TEX11: variants seen among roughly 807,000 people sequenced by gnomAD.
TEX11 encodes testis expressed 11.
A neutral mutation model predicts 84.4 loss-of-function variants in TEX11; 7 were observed. The ratio of observed to expected loss-of-function variants is 0.08; its 90% CI spans 0.05 to 0.16. TEX11 has a LOEUF of 0.16. Ranked by LOEUF, TEX11 falls within the 10% of genes least tolerant of loss-of-function variation. The probability of loss-of-function intolerance (pLI) is 1.00; values close to 1 mark genes in which losing one functional copy is unlikely to be tolerated. For synonymous variants in TEX11, 264 were observed against 222.8 expected (o/e 1.18, Z -1.64); for missense variants, 551 against 660.5 (o/e 0.83, Z 1.82).
At chrX:70,714,596 C>T (rs1043097980) in intron 13 of TEX11, among the ~76,000 whole-genome samples, 1 of 111,516 alleles carries the variant, frequency 9.0e-6, no homozygotes, top group Non-Finnish European at 1.9e-5. Flanking sequence ...TCTGTATTAT[C>T]AGAGACTAGG....
At chrX:70,762,034 T>C (rs1181281916) in intron 9 of TEX11, among the ~76,000 whole-genome samples, 4 of 111,960 alleles carry the variant, frequency 3.6e-5, no homozygotes, top group Admixed American at 2.9e-4. Context: ...AAAGAACTTT[T>C]ATCCTAAAAT....
chrX:70,844,807 C>T lies in TEX11; in HGVS notation c.525+8227G>A, dbSNP rs762998244. ...CAAAAAAGCCAGCAGTGGTGGTGTG[C>T]GCCTGTAATCCCAGCTACCTCCCAG... On this transcript the variant is annotated intron_variant, in intron 7 of 29. Coordinates refer to ENST00000374333, the MANE Select transcript of TEX11 (RefSeq NM_031276.3). Among the ~76,000 whole-genome samples the T allele has an allele frequency of 4.2e-4, 46 of 109,365 alleles. 1 individual carries two copies. Among genetic ancestry groups the T allele is most frequent in the Admixed American group, 1.8e-3 (18 of 10,221 alleles). 95.0% of individuals were successfully genotyped at this position (109,365 alleles called of 115,157 possible).
chrX:70,516,295 A>G, the TEX11 span, among the ~76,000 whole-genome samples: 3 of 111,745 alleles, frequency 2.7e-5, no homozygotes, highest in Non-Finnish European at 5.7e-5. Flanking sequence ...AATTAATTTT[A>G]TATAAGGTGT....
chrX:70,797,450 T>C (rs1173099143), intron 9 of TEX11, among the ~76,000 whole-genome samples: 1 of 111,018 alleles, frequency 9.0e-6, no homozygotes, highest in Non-Finnish European at 1.9e-5. Flanking sequence ...TGAATTCTAC[T>C]AAATATTTAA....
intron 13 of TEX11, among the ~76,000 whole-genome samples, chrX:70,688,435 A>C (rs1470776916): frequency 9.0e-6 from 1 of 111,619 alleles, no homozygotes; most frequent in Non-Finnish European, 1.9e-5. Flanking sequence ...TATCAGTCAC[A>C]AAAAAGACAT....
chrX:70,612,929 C>T (rs1016235722), intron 20 of TEX11, among the ~76,000 whole-genome samples: 2 of 110,510 alleles, frequency 1.8e-5, no homozygotes, highest in Non-Finnish European at 3.8e-5. Flanking sequence ...TGAAAAAAAG[C>T]CTGAGGAAAA....
chrX:70,702,506 T>A (rs1444865406), intron 13 of TEX11, among the ~76,000 whole-genome samples: 1 of 112,437 alleles, frequency 8.9e-6, no homozygotes, highest in Non-Finnish European at 1.9e-5. Context: ...TGTGACTCAC[T>A]TTATTGCAAT....
intron 13 of TEX11, among the ~76,000 whole-genome samples, chrX:70,687,925 A>G (rs1048877319): frequency 9.0e-6 from 1 of 110,610 alleles, no homozygotes; most frequent in East Asian, 2.8e-4. Flanking sequence ...AAAATAAAAA[A>G]GTAGAAATTA....
At chrX:70,515,088 CACACACACAG>C in the TEX11 span, among the ~76,000 whole-genome samples, 5 of 97,150 alleles carry the variant, frequency 5.1e-5, no homozygotes, top group African/African-American at 2.6e-4. Flanking sequence ...CACACACACA[CACACACACAG>C]AAAGAAGGAC....
chrX:70,760,290 G>A (rs1027365395), intron 9 of TEX11, among the ~76,000 whole-genome samples: 1 of 111,663 alleles, frequency 9.0e-6, no homozygotes, highest in African/African-American at 3.3e-5. Flanking sequence ...AACCAAAAAA[G>A]AGCCCACATT....
chrX:70,536,326 C>T (rs937901553), intron 28 of TEX11, among the ~76,000 whole-genome samples: 7 of 110,311 alleles, frequency 6.3e-5, no homozygotes, highest in African/African-American at 1.6e-4. Context: ...TGGCCTCAAG[C>T]GATACTCCTG....
At chrX:70,578,072 A>G (rs764217948) in intron 25 of TEX11, among the ~76,000 whole-genome samples, 1 of 111,969 alleles carries the variant, frequency 8.9e-6, no homozygotes, top group Admixed American at 9.5e-5. Flanking sequence ...CAATGGATAC[A>G]CTTGACAGGG....
intron 2 of TEX11, among the ~76,000 whole-genome samples, chrX:70,900,880 GT>G (rs2091799651): frequency 1.8e-5 from 2 of 111,221 alleles, no homozygotes; most frequent in South Asian, 7.6e-4. Context: ...GGAGGTGGAG[GT>G]TGCAGTGAGC....
At chrX:70,521,790 CTTCAAAG>C in the TEX11 span, among the ~76,000 whole-genome samples, 1 of 111,531 alleles carries the variant, frequency 9.0e-6, no homozygotes, top group African/African-American at 3.3e-5. Flanking sequence ...AGAGGGCAGA[CTTCAAAG>C]TTCAGAGAAA....
intron 2 of TEX11, among the ~76,000 whole-genome samples, chrX:70,888,617 T>G (rs2091722251): frequency 9.0e-6 from 1 of 111,549 alleles, no homozygotes; most frequent in Non-Finnish European, 1.9e-5. Context: ...CTAATAGTTA[T>G]TGGCCTTAAA....
intron 13 of TEX11, among the ~76,000 whole-genome samples, chrX:70,708,516 T>C (rs1423034444): frequency 2.7e-5 from 3 of 111,783 alleles, no homozygotes; most frequent in African/African-American, 9.7e-5. Context: ...ATCACTGTGC[T>C]ATTCACAATA....
chrX:70,659,247 A>G (rs2089902874), intron 16 of TEX11, among the ~76,000 whole-genome samples: 1 of 112,351 alleles, frequency 8.9e-6, no homozygotes, highest in African/African-American at 3.2e-5. Flanking sequence ...CTGTTCTTCA[A>G]AAGACACTAA....
At chrX:70,634,652 T>C (rs915139658) in intron 17 of TEX11, among the ~76,000 whole-genome samples, 8 of 109,346 alleles carry the variant, frequency 7.3e-5, no homozygotes, top group Non-Finnish European at 1.1e-4. Context: ...CAAAGGCAAT[T>C]CAACAGAGAA....
intron 25 of TEX11, among the ~76,000 whole-genome samples, chrX:70,584,614 A>G (rs781402457): frequency 1.7e-4 from 19 of 111,694 alleles, no homozygotes; most frequent in Admixed American, 1.5e-3. Flanking sequence ...ATTACAAACC[A>G]ATATTCTTTA....
Sources: allele counts gnomAD v4.1 joint callset (sites outside exome capture counted in the v4.1 genomes callset), GRCh38; gene constraint gnomAD v4.1.1; transcripts MANE v1.5; gene names NCBI Gene and HGNC (gene_info 2026-07-23, HGNC 2026-07-21).